Variants in RPS6KC1 observed in about 807,000 individuals in gnomAD.
RPS6KC1 encodes inactive ribosomal protein S6 kinase delta-1.
RPS6KC1 carries 54 observed loss-of-function variants against 103.8 expected under a neutral mutation model. That is an observed-to-expected ratio of 0.52 (90% CI 0.42 to 0.65). The LOEUF (loss-of-function observed/expected upper bound fraction) is 0.65, where lower values mean the gene tolerates loss of function less well. RPS6KC1 is among the 30% of genes least tolerant of loss of function. The pLI is 0.00. For synonymous variants in RPS6KC1, 439 were observed against 438.7 expected, an observed-to-expected ratio of 1.00 and a Z score of -0.01; for missense variants, 1,151 against 1,253.8, an observed-to-expected ratio of 0.92 and a Z score of 1.24.
At chr1:213,150,636 T>A (rs1354088786) in intron 6 of RPS6KC1, among the ~76,000 whole-genome samples, 2 of 151,680 alleles carry the variant, frequency 1.3e-5, no homozygotes, top group Non-Finnish European at 2.9e-5. Context: ...GGAGGTAAGG[T>A]CACAGATCAA....
chr1:213,114,908 T>C (rs2083421036), intron 4 of RPS6KC1, among the ~76,000 whole-genome samples: 1 of 152,232 alleles, frequency 6.6e-6, no homozygotes, highest in Admixed American at 6.5e-5. Context: ...GAAGCCCACT[T>C]GATCATGGTG....
chr1:213,319,312 C>CAA, the RPS6KC1 span, among the ~76,000 whole-genome samples: 40,830 of 90,074 alleles, frequency 0.45, 12,441 homozygotes, highest in East Asian at 0.73. Context: ...GACTCTGTCT[C>CAA]AAAAAAAAAA....
At chr1:213,331,340 A>G in the RPS6KC1 span, among the ~76,000 whole-genome samples, 11 of 152,182 alleles carry the variant, frequency 7.2e-5, no homozygotes, top group Non-Finnish European at 1.3e-4. Flanking sequence ...CCTCTCACCT[A>G]TGGGTGAGTA....
intron 8 of RPS6KC1, among the ~76,000 whole-genome samples, chr1:213,223,408 T>TA (rs1259711509): frequency 2.6e-5 from 4 of 152,186 alleles, no homozygotes; most frequent in African/African-American, 9.7e-5. Context: ...ATATCACTCT[T>TA]ACGCCTTTGC....
At chr1:213,328,983 G>A in the RPS6KC1 span, among the ~76,000 whole-genome samples, 2 of 152,202 alleles carry the variant, frequency 1.3e-5, no homozygotes, top group South Asian at 2.1e-4. Context: ...TACGAGTTCC[G>A]TCTCCTAGCC....
intron 8 of RPS6KC1, among the ~76,000 whole-genome samples, chr1:213,219,553 T>C (rs1359597084): frequency 1.3e-5 from 2 of 152,196 alleles, no homozygotes; most frequent in Non-Finnish European, 1.5e-5. Flanking sequence ...TAAAGACACA[T>C]GCACACGTAT....
chr1:213,824,576 G>A, the RPS6KC1 span, among the ~76,000 whole-genome samples: 1 of 152,212 alleles, frequency 6.6e-6, no homozygotes. Flanking sequence ...CATGTTGTGG[G>A]AGGGACCTGG....
chr1:213,174,601 C>T (rs2091729277), intron 7 of RPS6KC1, among the ~76,000 whole-genome samples: 1 of 142,450 alleles, frequency 7.0e-6, no homozygotes, highest in African/African-American at 2.6e-5. Context: ...ACCCGGGAGG[C>T]AGAGGTTGCA....
the RPS6KC1 span, among the ~76,000 whole-genome samples, chr1:213,460,533 C>G: frequency 6.6e-6 from 1 of 151,332 alleles, no homozygotes; most frequent in Non-Finnish European, 1.5e-5. Context: ...GGTCTTGACT[C>G]TTTATCCAAT....
chr1:213,756,720 G>T, the RPS6KC1 span, among the ~76,000 whole-genome samples: 11 of 151,948 alleles, frequency 7.2e-5, no homozygotes, highest in African/African-American at 2.2e-4. Context: ...GGGCTCAAGC[G>T]ATCCTCTCAC....
the RPS6KC1 span, among the ~76,000 whole-genome samples, chr1:213,599,006 T>C: frequency 2.0e-5 from 3 of 152,282 alleles, no homozygotes; most frequent in East Asian, 5.8e-4. Context: ...TGGCATAAAA[T>C]GTAAAAATGT....
chr1:213,191,911 C>T (rs1468361256), intron 8 of RPS6KC1, among the ~76,000 whole-genome samples: 4 of 152,108 alleles, frequency 2.6e-5, no homozygotes, highest in South Asian at 2.1e-4. Flanking sequence ...CATGTTCGAG[C>T]GATTCTCCTG....
the RPS6KC1 span, among the ~76,000 whole-genome samples, chr1:213,758,379 A>G: frequency 6.6e-6 from 1 of 152,228 alleles, no homozygotes; most frequent in South Asian, 2.1e-4. Context: ...GGAGTTCGAG[A>G]CCAGCCTGGA....
At chr1:213,170,266 G>A (rs1022559213) in intron 7 of RPS6KC1, among the ~76,000 whole-genome samples, 1 of 152,110 alleles carries the variant, frequency 6.6e-6, no homozygotes, top group African/African-American at 2.4e-5. Flanking sequence ...TGAGCCTCCT[G>A]TATAGTTTTA....
chr1:213,650,459 C>T, the RPS6KC1 span, among the ~76,000 whole-genome samples: 6 of 152,222 alleles, frequency 3.9e-5, no homozygotes, highest in African/African-American at 1.4e-4. Flanking sequence ...CATGGAGGCA[C>T]AAGCTCCCTC....
At chr1:213,397,588 T>TACACACACACACACAC in the RPS6KC1 span, among the ~76,000 whole-genome samples, 26 of 140,468 alleles carry the variant, frequency 1.9e-4, no homozygotes, top group Non-Finnish European at 2.5e-4. Context: ...CAGGAACACA[T>TACACACACACACACAC]ACACACACAC....
chr1:213,659,928 ATTGAACTTAT>A, the RPS6KC1 span, among the ~76,000 whole-genome samples: 6 of 152,214 alleles, frequency 3.9e-5, no homozygotes, highest in African/African-American at 1.4e-4. Context: ...ATAATTAAGC[ATTGAACTTAT>A]TCCTTTAAGG....
At chr1:213,137,225 A>G (rs1316180576) in intron 6 of RPS6KC1, among the ~76,000 whole-genome samples, 1 of 151,672 alleles carries the variant, frequency 6.6e-6, no homozygotes, top group Non-Finnish European at 1.5e-5. Flanking sequence ...CTCATTTTCT[A>G]TATATCTGAT....
chr1:213,838,597 G>T, the RPS6KC1 span, among the ~76,000 whole-genome samples: 3 of 151,884 alleles, frequency 2.0e-5, no homozygotes, highest in African/African-American at 7.3e-5. Context: ...AAAAAAAAAT[G>T]AAACCTTATT....
Sources: allele counts gnomAD v4.1 joint callset (sites outside exome capture counted in the v4.1 genomes callset), GRCh38; gene constraint gnomAD v4.1.1; transcripts MANE v1.5; gene names NCBI Gene and HGNC (gene_info 2026-07-23, HGNC 2026-07-21).